Variants in RBM34 observed in about 807,000 individuals in gnomAD.
RBM34 encodes the protein RNA-binding protein 34.
In RBM34, 39 loss-of-function variants were observed where a neutral mutation model predicts 44.6. The observed-to-expected ratio is 0.87, with a 90% CI of 0.68 to 1.14. RBM34 has a LOEUF of 1.14. RBM34 is among the 50% of genes most tolerant of loss of function. The pLI, the probability that RBM34 is intolerant of heterozygous loss-of-function variation, is 0.00. For synonymous variants in RBM34, 194 were observed against 184.0 expected (o/e 1.05, Z -0.44); for missense variants, 572 against 517.9 (o/e 1.10, Z -1.01).
rs1278919460 is a variant in RBM34 at position 235,137,934 on chromosome 1, C to T, written c.792G>A (p.Gly264=). The change falls in exon 8 of 11, where the codon GGG becomes GGA. Residue 264 remains glycine (G), a synonymous_variant. Coordinates refer to ENST00000408888, the MANE Select transcript of RBM34 (RefSeq NM_015014.4). ...TACGAAATCCATCTGCAATCTGGGC[C>T]CCATTTCTGTATTATAAATACAAAG... ...SAATQALKRN[G]AQIADGFRIR... 6.2e-7 allele frequency: 1 copy of T among 1,602,592 alleles called. No individual in the cohort carries two copies. Among genetic ancestry groups the T allele is most frequent in the Admixed American group, 1.7e-5 (1 of 59,658 alleles).
chr1:235,135,365 A>G (rs1661381006), intron 10 of RBM34, among the ~76,000 whole-genome samples: 1 of 151,754 alleles, frequency 6.6e-6, no homozygotes, highest in African/African-American at 2.4e-5. Context: ...AGTAGCTGGG[A>G]TTATAGGCAC....
intron 6 of RBM34, among the ~76,000 whole-genome samples, chr1:235,138,487 G>A (rs999688760): frequency 1.3e-5 from 2 of 152,278 alleles, no homozygotes; most frequent in Admixed American, 6.5e-5. Context: ...GCTGCAGTCC[G>A]TATCTAACAC....
chr1:235,153,160 G>A lies in RBM34; in HGVS notation c.598-395C>T, dbSNP rs575164792. On this transcript the variant is annotated intron_variant, in intron 4 of 10. Transcript: ENST00000408888. ...GCTGGGATTACAGGCATGAGCCACCGCACCCGGCCTACTGCCAGTTTTTAA... is the reference window on the plus strand; with the variant it reads ...GCTGGGATTACAGGCATGAGCCACCACACCCGGCCTACTGCCAGTTTTTAA... Among the ~76,000 whole-genome samples, 171 of 151,426 alleles carry A rather than the reference G, an allele frequency of 1.1e-3. 1 individual carries two copies. Among genetic ancestry groups the A allele is most frequent in the African/African-American group, 4.0e-3 (163 of 41,254 alleles).
At chr1:235,138,003 T>C (rs1459440042) in intron 7 of RBM34, 63 bp from the exon 8 acceptor site, 3 of 1,531,356 alleles carry the variant, frequency 2.0e-6, no homozygotes, top group Non-Finnish European at 2.7e-6. Flanking sequence ...CTAAAACATC[T>C]ATGCTAAAGT....
At chr1:235,152,421 A>G in intron 5 of RBM34, 2 of 1,002,148 alleles carry the variant, frequency 2.0e-6, no homozygotes, top group Non-Finnish European at 2.5e-6. Context: ...TTAACTTTTC[A>G]GTCTATTCTG....
chr1:235,155,850 T>TAC (rs1662406661), intron 3 of RBM34, among the ~76,000 whole-genome samples: 1 of 28,792 alleles, frequency 3.5e-5, no homozygotes, highest in African/African-American at 1.7e-4. Context: ...TATATATATA[T>TAC]ATATATATAT....
chr1:235,151,308 A>C (rs959564480), intron 5 of RBM34, among the ~76,000 whole-genome samples: 2 of 152,138 alleles, frequency 1.3e-5, no homozygotes, highest in Non-Finnish European at 2.9e-5. Context: ...TGGGGTGAGA[A>C]TGGATGGAAG....
chr1:235,148,799 CAG>C (rs1662026640), intron 5 of RBM34, among the ~76,000 whole-genome samples: 4 of 151,936 alleles, frequency 2.6e-5, no homozygotes, highest in Admixed American at 2.6e-4. Flanking sequence ...GCGGTTTCAT[CAG>C]GTTAGCCAGG....
chr1:235,154,568 G>C (rs1662314479), intron 4 of RBM34, among the ~76,000 whole-genome samples: 1 of 152,026 alleles, frequency 6.6e-6, no homozygotes, highest in African/African-American at 2.4e-5. Context: ...TCCTGAAAAA[G>C]AAAAGAAAAA....
chr1:235,139,509 G>T (rs955927623), intron 6 of RBM34, among the ~76,000 whole-genome samples: 5 of 152,202 alleles, frequency 3.3e-5, no homozygotes, highest in African/African-American at 1.2e-4. Context: ...GCTGGCCTAG[G>T]ACTGAAACCA....
At chr1:235,137,315 T>C (rs1661467928) in intron 8 of RBM34, among the ~76,000 whole-genome samples, 1 of 152,226 alleles carries the variant, frequency 6.6e-6, no homozygotes, top group East Asian at 1.9e-4. Context: ...TATAATGTGT[T>C]AGACCAGATG....
chr1:235,138,518 G>C (rs959662541), intron 6 of RBM34, among the ~76,000 whole-genome samples: 1 of 152,310 alleles, frequency 6.6e-6, no homozygotes. Flanking sequence ...AGTTGTGAAA[G>C]ACGTGAGTTT....
chr1:235,140,728 G>C (rs61837173), intron 6 of RBM34, among the ~76,000 whole-genome samples: 5,590 of 152,354 alleles, frequency 0.037, 146 homozygotes, highest in Middle Eastern at 0.068. Context: ...CCCGGTGCAG[G>C]ATCCACTGGG....
intron 3 of RBM34, among the ~76,000 whole-genome samples, chr1:235,159,288 A>G (rs1436652296): frequency 6.6e-6 from 1 of 151,948 alleles, no homozygotes; most frequent in Non-Finnish European, 1.5e-5. Flanking sequence ...GTGATGGCTC[A>G]CGTATGTAAT....
At chr1:235,135,480 C>A (rs1156550990) in intron 10 of RBM34, among the ~76,000 whole-genome samples, 172 bp downstream of exon 10, 1 of 152,114 alleles carries the variant, frequency 6.6e-6, no homozygotes, top group Non-Finnish European at 1.5e-5. Flanking sequence ...TCACCCGTCT[C>A]GGCCTCCCAA....
rs774451183 is a variant in RBM34, at chr1:235,154,953, G to A, written c.525C>T (p.Asn175=). 22 of 1,613,958 alleles carry A rather than the reference G, an allele frequency of 1.4e-5. No homozygotes were observed. In the South Asian group the frequency reaches 2.0e-4, roughly 14 times the overall value. The change falls in exon 4 of 11, where the codon AAC becomes AAT. Residue 175 remains asparagine, a synonymous_variant. Coordinates refer to ENST00000408888, the MANE Select transcript of RBM34 (RefSeq NM_015014.4). ...VVSQRKKIQI[N]QEEERLKNER... ...CATTCTTTAATCTCTCTTCTTCTTGGTTGATTTGAATTTTCTTTCTTTGAC... is the reference window on the plus strand; with the variant it reads ...CATTCTTTAATCTCTCTTCTTCTTGATTGATTTGAATTTTCTTTCTTTGAC...
At chr1:235,136,154 T>G in intron 8 of RBM34, 81 bp from the exon 9 acceptor site, 1 of 1,139,522 alleles carries the variant, frequency 8.8e-7, no homozygotes, top group Non-Finnish European at 1.3e-6. Flanking sequence ...TATCCCTCCT[T>G]CCCCCCATAT....
At chr1:235,155,836 T>TATATATATAC (rs1662396842) in intron 3 of RBM34, among the ~76,000 whole-genome samples, 2 of 22,906 alleles carry the variant, frequency 8.7e-5, no homozygotes, top group Admixed American at 5.8e-4. Context: ...TATATATATA[T>TATATATATAC]ATATATATAT....
chr1:235,143,671 G>C (rs1661781397), intron 6 of RBM34, among the ~76,000 whole-genome samples: 1 of 152,120 alleles, frequency 6.6e-6, no homozygotes, highest in Non-Finnish European at 1.5e-5. Context: ...CCGGGAGGTA[G>C]AGGTTGCAAT....
Sources: gnomAD v4.1 joint callset for allele counts (sites outside exome capture counted in the v4.1 genomes callset) on GRCh38, gnomAD v4.1.1 for gene constraint, MANE v1.5 for transcripts, NCBI Gene and HGNC (gene_info 2026-07-23, HGNC 2026-07-21) for gene names.